VWA8: variants seen among roughly 807,000 people sequenced by gnomAD.
VWA8 encodes von Willebrand factor A domain containing 8.
In VWA8, 221 loss-of-function variants were observed where a neutral mutation model predicts 241.5. The ratio of observed to expected loss-of-function variants is 0.91; its 90% CI spans 0.82 to 1.02. The LOEUF is 1.02. Ranked by LOEUF, VWA8 falls within the 50% of genes least tolerant of loss-of-function variation. VWA8 has a pLI of 0.00. For missense variants in VWA8, 2,322 were observed against 2,328.7 expected (o/e 1.00, Z 0.06); for synonymous variants, 852 against 827.1 (o/e 1.03, Z -0.52).
At chr13:41,805,824 G>T (rs1425568622) in intron 17 of VWA8, among the ~76,000 whole-genome samples, 3 of 151,262 alleles carry the variant, frequency 2.0e-5, no homozygotes, top group Non-Finnish European at 4.4e-5. Flanking sequence ...CAAAAAAAAA[G>T]AAAAAGAAAA....
intron 13 of VWA8, among the ~76,000 whole-genome samples, chr13:41,832,775 T>C (rs372374800): frequency 6.6e-6 from 1 of 152,204 alleles, no homozygotes; most frequent in East Asian, 1.9e-4. Context: ...CATTAAATTC[T>C]AGAGAAGTTT....
intron 20 of VWA8, 26 bp downstream of exon 20, chr13:41,777,959 G>GTACC (rs1868685817): frequency 6.4e-7 from 1 of 1,567,270 alleles, no homozygotes; most frequent in Non-Finnish European, 8.7e-7. Flanking sequence ...TTTTTCATTG[G>GTACC]TACCTAGATT....
intron 17 of VWA8, among the ~76,000 whole-genome samples, chr13:41,810,273 G>A (rs371516601): frequency 4.5e-4 from 68 of 151,988 alleles, no homozygotes; most frequent in African/African-American, 1.6e-3. Flanking sequence ...GTATATGCCC[G>A]GTATATGCCC....
chr13:41,837,023 C>T (rs143366085), intron 12 of VWA8, among the ~76,000 whole-genome samples: 1,680 of 146,172 alleles, frequency 0.011, 34 homozygotes, highest in African/African-American at 0.041. Context: ...TAAACACACA[C>T]GTGCAGATAG....
chr13:41,927,116 GAAC>G (rs956571163), intron 2 of VWA8: 2 of 388,946 alleles, frequency 5.1e-6, no homozygotes, highest in African/African-American at 2.1e-5. Context: ...GCGGGTTTTT[GAAC>G]AACAGGCCAA....
At chr13:41,853,498 T>A (rs1872607506) in intron 12 of VWA8, among the ~76,000 whole-genome samples, 1 of 152,198 alleles carries the variant, frequency 6.6e-6, no homozygotes, top group Admixed American at 6.5e-5. Context: ...GGTTAAGCCA[T>A]CACATAATAG....
chr13:41,871,226 G>C (rs1231098559), intron 9 of VWA8, among the ~76,000 whole-genome samples: 1 of 152,132 alleles, frequency 6.6e-6, no homozygotes, highest in South Asian at 2.1e-4. Flanking sequence ...ATAAGAGTTT[G>C]TTAACTTACC....
chr13:41,923,282 C>T (rs2138129643), intron 2 of VWA8, among the ~76,000 whole-genome samples: 1 of 152,056 alleles, frequency 6.6e-6, no homozygotes, highest in Middle Eastern at 3.4e-3. Context: ...CCGGGGCTTG[C>T]CGTGGGGTGG....
At chr13:41,871,126 A>G in intron 9 of VWA8, among the ~76,000 whole-genome samples, 1 of 152,120 alleles carries the variant, frequency 6.6e-6, no homozygotes, top group East Asian at 1.9e-4. Context: ...CTATAACCCA[A>G]ATGCAACTAC....
At chr13:41,571,248 A>ATGAT (rs2044299271) in intron 43 of VWA8, among the ~76,000 whole-genome samples, 1 of 149,858 alleles carries the variant, frequency 6.7e-6, no homozygotes, top group Non-Finnish European at 1.5e-5. Context: ...TACCAATGAT[A>ATGAT]TGATTGTATA....
At chr13:41,883,907 A>C (rs1459963406) in intron 8 of VWA8, among the ~76,000 whole-genome samples, 1 of 152,210 alleles carries the variant, frequency 6.6e-6, no homozygotes, top group Non-Finnish European at 1.5e-5. Flanking sequence ...TCTCATCCAC[A>C]TTCACTTAGC....
chr13:41,702,924 T>C (rs1026022425), intron 27 of VWA8, among the ~76,000 whole-genome samples: 1 of 152,192 alleles, frequency 6.6e-6, no homozygotes. Flanking sequence ...GAGGGACTTC[T>C]ATTACAACTA....
At chr13:41,585,232 C>T (rs1226450943) in intron 42 of VWA8, among the ~76,000 whole-genome samples, 1 of 152,138 alleles carries the variant, frequency 6.6e-6, no homozygotes, top group Non-Finnish European at 1.5e-5. Context: ...TTTCTATACA[C>T]TCGGCTGCGT....
intron 38 of VWA8, among the ~76,000 whole-genome samples, chr13:41,614,385 G>C (rs1017272498): frequency 6.6e-6 from 1 of 152,186 alleles, no homozygotes; most frequent in Admixed American, 6.5e-5. Context: ...AGAGGAAAAA[G>C]GAAGACGGCA....
rs193108971 is a variant in VWA8 at position 41,720,354 on chromosome 13, C to T, written c.2965-612G>A. On this transcript the variant is annotated intron_variant, in intron 25 of 44. Transcript: ENST00000379310. ...TTCTGAGCTGGCTGAATTGGACTTA[C>T]GGTTTTATAGGCAGAACAAAGCTGT... Among the ~76,000 whole-genome samples the T allele has an allele frequency of 2.2e-4, 33 of 152,052 alleles. No homozygotes were observed. The East Asian group carries it at 4.5e-3, about 21-fold the overall frequency.
chr13:41,927,213 G>T, intron 2 of VWA8: 6 of 471,656 alleles, frequency 1.3e-5, no homozygotes, highest in South Asian at 1.0e-4. Context: ...CATGGGCATT[G>T]ACCAAGTCAC....
intron 3 of VWA8, among the ~76,000 whole-genome samples, chr13:41,910,045 T>C (rs774368225): frequency 2.0e-5 from 3 of 152,198 alleles, no homozygotes; most frequent in Non-Finnish European, 4.4e-5. Flanking sequence ...TTTTCTTATG[T>C]ATATCCACAG....
intron 37 of VWA8, among the ~76,000 whole-genome samples, chr13:41,647,835 C>T (rs1410989702): frequency 6.6e-6 from 1 of 152,010 alleles, no homozygotes; most frequent in Non-Finnish European, 1.5e-5. Flanking sequence ...ACTAAAAATA[C>T]AAAAATTAGC....
intron 1 of VWA8, among the ~76,000 whole-genome samples, chr13:41,953,375 C>CTCAACCTA (rs1188472789): frequency 5.6e-4 from 86 of 152,314 alleles, no homozygotes; most frequent in African/African-American, 2.0e-3. Context: ...AACCTATCAA[C>CTCAACCTA]TGAATATTGT....
Sources: allele counts gnomAD v4.1 joint callset (sites outside exome capture counted in the v4.1 genomes callset), GRCh38; gene constraint gnomAD v4.1.1; transcripts MANE v1.5; gene names NCBI Gene and HGNC (gene_info 2026-07-23, HGNC 2026-07-21).